The following ZDHHC4 variants were observed in gnomAD, a reference collection of about 807,000 sequenced individuals.
The protein encoded by ZDHHC4 is zDHHC palmitoyltransferase 4.
ZDHHC4 carries 42 observed loss-of-function variants against 36.7 expected under a neutral mutation model. The ratio of observed to expected loss-of-function variants is 1.14; its 90% CI spans 0.89 to 1.48. The LOEUF (loss-of-function observed/expected upper bound fraction) is 1.48, where lower values mean the gene tolerates loss of function less well. Among genes scored for constraint, ZDHHC4 ranks in the 40% most tolerant of loss-of-function variants. The pLI is 0.00. For synonymous variants in ZDHHC4, 189 were observed against 166.6 expected, an observed-to-expected ratio of 1.13 and a Z score of -1.03; for missense variants, 457 against 421.5, an observed-to-expected ratio of 1.08 and a Z score of -0.74.
chr7:6,581,972 A>G, intron 4 of ZDHHC4, 101 bp from the exon 5 acceptor site: 1 of 1,198,794 alleles, frequency 8.3e-7, no homozygotes, highest in Non-Finnish European at 1.2e-6. Flanking sequence ...CTATTATCTC[A>G]AGCCCAAAGG....
At position 6,580,627 on chromosome 7, in the gene ZDHHC4, C is replaced by T. The variant is rs1427724461; in HGVS notation, c.66C>T (p.Cys22=). The T allele has an allele frequency of 3.1e-6, 5 of 1,613,994 alleles. No individual in the cohort carries two copies. Among genetic ancestry groups the T allele is most frequent in the Admixed American group, 1.7e-5 (1 of 59,974 alleles). ...ASVLMGLVLI[C]VCSKTHSLKG... Reference sequence around the variant, plus strand: ...TGCTGATGGGTCTTGTTCTTATCTGCGTCTGCTCGAAAACCCATAGCTTGA... The same window carrying T: ...TGCTGATGGGTCTTGTTCTTATCTGTGTCTGCTCGAAAACCCATAGCTTGA... The change falls in exon 3 of 8, where the codon TGC becomes TGT. Residue 22 remains cysteine (C), a synonymous_variant. Transcript: ENST00000335965.
At position 6,585,189 on chromosome 7, in the gene ZDHHC4, G is replaced by A; in HGVS notation, c.670G>A (p.Asp224Asn). The A allele has an allele frequency of 6.2e-7, 1 of 1,614,190 alleles. No homozygotes were observed. Among genetic ancestry groups the A allele is most frequent in the African/African-American group, 1.3e-5 (1 of 75,052 alleles). ...TCTGGTCCACTTGGTGGTGATGTCA[G>A]ATTTATACCAGGAGACTTACATCGA... ...TFLVHLVVMS[D>N]LYQETYIDDL... The change falls in exon 7 of 8, where the codon GAT becomes AAT. Residue 224 changes from aspartate to asparagine, a missense_variant. Coordinates refer to ENST00000335965, the MANE Select transcript of ZDHHC4 (RefSeq NM_001134389.2).
Position 6,583,354 on chromosome 7 carries a change from T to C in ZDHHC4, c.419T>C (p.Phe140Ser), listed in dbSNP as rs150125646. Residue 140 changes from phenylalanine to serine, a missense_variant, in exon 6 of 8, where the codon TTT becomes TCT. By Grantham distance (155) the Phe-to-Ser change is radical (BLOSUM62 -2). Coordinates refer to ENST00000335965, the MANE Select transcript of ZDHHC4 (RefSeq NM_001134389.2). Reference sequence around the variant, plus strand: ...TTATTATTTCTTCATGTTTATGAATTTGATGAAGTGATGTTTCCAAAGAAC... The same window carrying C: ...TTATTATTTCTTCATGTTTATGAATCTGATGAAGTGATGTTTCCAAAGAAC... ...NELLFLHVYE[F>S]DEVMFPKNVR... 6 of 1,613,660 alleles carry C rather than the reference T, an allele frequency of 3.7e-6. No individual in the cohort carries two copies. Among genetic ancestry groups the C allele is most frequent in the Non-Finnish European group, 5.1e-6 (6 of 1,179,862 alleles).
chr7:6,585,460 A>C (rs4336516), intron 7 of ZDHHC4, among the ~76,000 whole-genome samples, 200 bp downstream of exon 7: 50,679 of 151,288 alleles, frequency 0.33, 10,015 homozygotes, highest in Non-Finnish European at 0.46. Context: ...CCATCAACTG[A>C]TGATTGAATA....
Position 6,580,644 on chromosome 7 carries a change from A to G in ZDHHC4, c.83A>G (p.His28Arg), listed in dbSNP as rs766539204. The change falls in exon 3 of 8, where the codon CAT becomes CGT. Residue 28 changes from histidine (H) to arginine (R), a missense_variant. Coordinates refer to ENST00000335965, the MANE Select transcript of ZDHHC4 (RefSeq NM_001134389.2). ...CTTATCTGCGTCTGCTCGAAAACCC[A>G]TAGCTTGAAAGGCCTGGCCAGGGGA... is the stretch of plus-strand genomic sequence containing the variant. ...LVLICVCSKT[H>R]SLKGLARGGA... The G allele has an allele frequency of 4.3e-6, 7 of 1,614,002 alleles. No individual in the cohort carries two copies. Among genetic ancestry groups the G allele is most frequent in the South Asian group, 2.2e-5 (2 of 91,082 alleles).
At chr7:6,583,627 A>T in intron 6 of ZDHHC4, 196 bp downstream of exon 6, 1 of 648,384 alleles carries the variant, frequency 1.5e-6, no homozygotes, top group Non-Finnish European at 2.4e-6. Context: ...TGTAGTAGAC[A>T]GTCCTCATCT....
chr7:6,588,361 C>G (rs901160210), intron 7 of ZDHHC4, among the ~76,000 whole-genome samples: 2 of 152,204 alleles, frequency 1.3e-5, no homozygotes, highest in Admixed American at 6.5e-5. Context: ...ACTGGAATAG[C>G]ACATTTCCTA....
chr7:6,582,806 G>T (rs117132924), intron 5 of ZDHHC4, among the ~76,000 whole-genome samples: 2,728 of 152,040 alleles, frequency 0.018, 38 homozygotes, highest in Non-Finnish European at 0.028. Context: ...GTGAGCCACC[G>T]CACTGGCAGA....
intron 5 of ZDHHC4, 81 bp from the exon 6 acceptor site, chr7:6,583,225 T>G (rs1480053175): frequency 1.4e-6 from 2 of 1,451,940 alleles, no homozygotes; most frequent in East Asian, 4.7e-5. Flanking sequence ...GCAGTTTCAG[T>G]TGTGTTTTAT....
chr7:6,581,751 C>G (rs1309585235), intron 4 of ZDHHC4, 71 bp downstream of exon 4: 1 of 1,262,818 alleles, frequency 7.9e-7, no homozygotes, highest in Non-Finnish European at 1.1e-6. Context: ...GATCCTCTAG[C>G]TTCAGGAAGC....
intron 3 of ZDHHC4, 186 bp downstream of exon 3, chr7:6,580,864 T>G: frequency 1.7e-6 from 1 of 603,850 alleles, no homozygotes; most frequent in Non-Finnish European, 2.9e-6. Context: ...TGCCATGAGC[T>G]ATGATCACGC....
At chr7:6,584,185 A>G (rs1781065103) in intron 6 of ZDHHC4, 1 of 152,246 alleles carries the variant, frequency 6.6e-6, no homozygotes, top group Admixed American at 6.5e-5. Flanking sequence ...ATCAATGTAA[A>G]AAATTCTTCA....
rs759113805 is a variant in ZDHHC4, at chr7:6,582,100, G to A, written c.219G>A (p.Leu73=). 1 of 1,613,946 alleles carries A rather than the reference G, an allele frequency of 6.2e-7. No individual in the cohort carries two copies. The highest frequency in any genetic ancestry group is 8.5e-7 in the Non-Finnish European group (1 of 1,179,906). Residue 73 remains leucine (L), a synonymous_variant, in exon 5 of 8, where the codon CTG becomes CTA. Coordinates refer to ENST00000335965, the MANE Select transcript of ZDHHC4 (RefSeq NM_001134389.2). ...TRNHTFIVLH[L]VLQGMVYTEY... ...ACCACACCTTCATTGTCCTGCACCT[G>A]GTCTTGCAAGGGATGGTTTATACTG... is the stretch of plus-strand genomic sequence containing the variant.
In ZDHHC4 at chr7:6,582,148, C is replaced by T; in HGVS notation, c.267C>T (p.Gly89=). Residue 89 remains glycine (G), a synonymous_variant, in exon 5 of 8, where the codon GGC becomes GGT. Transcript: ENST00000335965. ...CTGAGTACACCTGGGAAGTATTTGG[C>T]TACTGTCAGGAGCTGGAGTTGTCCT... ...VYTEYTWEVF[G]YCQELELSLH... 2 of 1,614,186 alleles carry T rather than the reference C, an allele frequency of 1.2e-6. No individual in the cohort carries two copies. Among genetic ancestry groups the T allele is most frequent in the South Asian group, 1.1e-5 (1 of 91,084 alleles).
intron 7 of ZDHHC4, among the ~76,000 whole-genome samples, chr7:6,586,037 C>G (rs1321109554): frequency 2.0e-5 from 3 of 151,732 alleles, no homozygotes; most frequent in African/African-American, 7.3e-5. Context: ...TCTGTAGTCC[C>G]AGCTACTCGG....
At chr7:6,581,318 G>A (rs557079129) in intron 3 of ZDHHC4, among the ~76,000 whole-genome samples, 120 of 152,246 alleles carry the variant, frequency 7.9e-4, no homozygotes, top group Non-Finnish European at 1.3e-3. Flanking sequence ...GGGAAGGAGC[G>A]GCCTTCACAT....
At chr7:6,578,123 C>T (rs1056001194) in intron 1 of ZDHHC4, among the ~76,000 whole-genome samples, 2 of 151,858 alleles carry the variant, frequency 1.3e-5, no homozygotes, top group Admixed American at 6.6e-5. Context: ...AGCCACCGCG[C>T]CCGGCCTCTT....
intron 3 of ZDHHC4, 83 bp downstream of exon 3, chr7:6,580,761 A>G: frequency 7.4e-7 from 1 of 1,359,032 alleles, no homozygotes; most frequent in South Asian, 1.2e-5. Context: ...AGGACAAAAA[A>G]GAGATGCCAG....
chr7:6,583,469 C>T (rs772842052), intron 6 of ZDHHC4, 38 bp downstream of exon 6: 45 of 1,588,524 alleles, frequency 2.8e-5, no homozygotes, highest in Non-Finnish European at 3.5e-5. Flanking sequence ...GCACCTCCAA[C>T]AGCACATGTG....
Sources: allele counts gnomAD v4.1 joint callset (sites outside exome capture counted in the v4.1 genomes callset), GRCh38; gene constraint gnomAD v4.1.1; transcripts MANE v1.5; gene names NCBI Gene and HGNC (gene_info 2026-07-23, HGNC 2026-07-21).